The following SND1 variants were observed in gnomAD, a reference collection of about 807,000 sequenced individuals.
The protein encoded by SND1 is staphylococcal nuclease domain-containing protein 1.
Under a neutral mutation model 121.7 loss-of-function variants are expected in SND1, and 38 were observed. The ratio of observed to expected loss-of-function variants is 0.31; its 90% CI spans 0.24 to 0.41. SND1 has a LOEUF of 0.41. Ranked by LOEUF, SND1 falls within the 10% of genes least tolerant of loss-of-function variation. The probability of loss-of-function intolerance (pLI) is 1.00; values close to 1 mark genes in which losing one functional copy is unlikely to be tolerated. For missense variants in SND1, 868 were observed against 1,184.6 expected, an observed-to-expected ratio of 0.73 and a Z score of 3.92; for synonymous variants, 401 against 447.4, an observed-to-expected ratio of 0.90 and a Z score of 1.31.
At chr7:127,779,422 A>C (rs1230331365) in intron 10 of SND1, among the ~76,000 whole-genome samples, 1 of 152,170 alleles carries the variant, frequency 6.6e-6, no homozygotes. Context: ...ATCCTGAACT[A>C]CACCTCTGAT....
At chr7:127,885,640 C>T (rs1437839242) in intron 12 of SND1, among the ~76,000 whole-genome samples, 1 of 152,010 alleles carries the variant, frequency 6.6e-6, no homozygotes, top group Non-Finnish European at 1.5e-5. Flanking sequence ...GGCAGGTACT[C>T]AGTAATTCTG....
intron 15 of SND1, among the ~76,000 whole-genome samples, chr7:127,964,115 T>G (rs1416364753): frequency 6.7e-6 from 1 of 148,818 alleles, no homozygotes; most frequent in South Asian, 2.1e-4. Context: ...GTTTTTTTCT[T>G]GTAAATTTGT....
At chr7:127,731,077 T>C (rs1047919513) in intron 10 of SND1, among the ~76,000 whole-genome samples, 1 of 152,160 alleles carries the variant, frequency 6.6e-6, no homozygotes, top group Non-Finnish European at 1.5e-5. Flanking sequence ...TAGGTGGAGG[T>C]CTGGGAGGAG....
In SND1 at chr7:127,775,050, G is replaced by A. The variant is rs184740058; in HGVS notation, c.1153-32434G>A. 5.1e-4 allele frequency among the ~76,000 whole-genome samples: 77 copies of A among 152,312 alleles called. 1 individual carries two copies. Among genetic ancestry groups the A allele is most frequent in the African/African-American group, 1.8e-3 (73 of 41,560 alleles). On this transcript the variant is annotated intron_variant, in intron 10 of 23. Transcript: ENST00000354725. ...ATGGGCCCTAAATCCAGTGGCTTGT[G>A]TTCTGATAAAAATAAGTTAAGACAT...
At chr7:127,652,506 G>A in intron 1 of SND1, 55 bp downstream of exon 1, 2 of 1,396,294 alleles carry the variant, frequency 1.4e-6, no homozygotes, top group South Asian at 2.6e-5. Context: ...CGGGAGTCAG[G>A]CATTGACTCC....
intron 11 of SND1, among the ~76,000 whole-genome samples, chr7:127,819,159 C>G (rs1353458765): frequency 3.3e-5 from 5 of 152,150 alleles, no homozygotes; most frequent in Non-Finnish European, 7.3e-5. Context: ...ATGGAAGGAA[C>G]TGTTTTATTT....
intron 12 of SND1, among the ~76,000 whole-genome samples, chr7:127,868,921 C>T (rs950659748): frequency 1.3e-5 from 2 of 151,932 alleles, no homozygotes; most frequent in East Asian, 1.9e-4. Flanking sequence ...CGTTGCCAGG[C>T]GCCAGTTCTT....
intron 9 of SND1, among the ~76,000 whole-genome samples, chr7:127,717,701 T>C (rs1796414876): frequency 6.6e-6 from 1 of 152,192 alleles, no homozygotes. Flanking sequence ...AACCACAGTC[T>C]CTGGTCATGC....
chr7:127,814,143 G>C (rs1369940859), intron 11 of SND1, among the ~76,000 whole-genome samples: 1 of 152,016 alleles, frequency 6.6e-6, no homozygotes, highest in Non-Finnish European at 1.5e-5. Context: ...CATGATTTGT[G>C]GTCGGCTTGT....
At chr7:127,883,120 A>G (rs563126538) in intron 12 of SND1, among the ~76,000 whole-genome samples, 37 of 152,290 alleles carry the variant, frequency 2.4e-4, no homozygotes, top group African/African-American at 8.7e-4. Context: ...TGGGTCTCAC[A>G]GGCAGTCTTG....
chr7:127,961,966 T>C (rs544249492), intron 15 of SND1, among the ~76,000 whole-genome samples: 1 of 152,338 alleles, frequency 6.6e-6, no homozygotes, highest in Admixed American at 6.5e-5. Flanking sequence ...ACCTGCCCTG[T>C]GCATCACGTG....
At chr7:128,054,052 C>T (rs1793094381) in intron 16 of SND1, among the ~76,000 whole-genome samples, 2 of 152,242 alleles carry the variant, frequency 1.3e-5, no homozygotes, top group South Asian at 2.1e-4. Context: ...CACTGATCGC[C>T]GCTAAGGCCA....
chr7:127,974,742 C>T (rs1371840215), intron 15 of SND1, among the ~76,000 whole-genome samples: 1 of 152,154 alleles, frequency 6.6e-6, no homozygotes, highest in African/African-American at 2.4e-5. Context: ...CCATATGAAA[C>T]ACTTCTCTTG....
intron 16 of SND1, among the ~76,000 whole-genome samples, chr7:128,059,607 C>G (rs1352573376): frequency 6.6e-6 from 1 of 152,218 alleles, no homozygotes; most frequent in Non-Finnish European, 1.5e-5. Context: ...AACTAGGCAT[C>G]CCAGTCCTTC....
At chr7:127,823,737 C>A (rs555394871) in intron 11 of SND1, among the ~76,000 whole-genome samples, 1 of 139,562 alleles carries the variant, frequency 7.2e-6, no homozygotes, top group Non-Finnish European at 1.5e-5. Flanking sequence ...TCCAGCATTA[C>A]AAACTGTTCT....
intron 21 of SND1, among the ~76,000 whole-genome samples, chr7:128,087,916 C>T (rs1793711864): frequency 6.6e-6 from 1 of 152,124 alleles, no homozygotes; most frequent in African/African-American, 2.4e-5. Context: ...GTCCAGATCC[C>T]CCGGGAGCTC....
intron 14 of SND1, among the ~76,000 whole-genome samples, chr7:127,912,841 G>C (rs918147566): frequency 6.6e-6 from 1 of 152,104 alleles, no homozygotes; most frequent in African/African-American, 2.4e-5. Context: ...TGCCTCCTCT[G>C]TACCTGGAAA....
intron 16 of SND1, among the ~76,000 whole-genome samples, chr7:128,009,772 AC>A (rs1366295170): frequency 7.3e-6 from 1 of 137,180 alleles, no homozygotes; most frequent in African/African-American, 2.6e-5. Flanking sequence ...TTTCTCAATA[AC>A]TTTTTTTTTT....
rs868119690 is a variant in SND1 at position 127,799,389 on chromosome 7, C to T, written c.1153-8095C>T. 4.6e-5 allele frequency among the ~76,000 whole-genome samples: 7 copies of T among 152,322 alleles called. No individual in the cohort carries two copies. The South Asian group carries it at 1.2e-3, about 27-fold the overall frequency. On this transcript the variant is annotated intron_variant, in intron 10 of 23. Coordinates refer to ENST00000354725, the MANE Select transcript of SND1 (RefSeq NM_014390.4). Reference sequence around the variant, plus strand: ...CCTTACCAGGTAGGACTGCTATCAGCATTAAGCCTATTTGATAGGGTTATC... The same window carrying T: ...CCTTACCAGGTAGGACTGCTATCAGTATTAAGCCTATTTGATAGGGTTATC...
Sources: gnomAD v4.1 joint callset for allele counts (sites outside exome capture counted in the v4.1 genomes callset) on GRCh38, gnomAD v4.1.1 for gene constraint, MANE v1.5 for transcripts, NCBI Gene and HGNC (gene_info 2026-07-23, HGNC 2026-07-21) for gene names.